Variants in ARG2 observed in about 807,000 individuals in gnomAD.
ARG2 encodes the protein arginase-2, mitochondrial.
A neutral mutation model predicts 39.4 loss-of-function variants in ARG2; 21 were observed. The ratio of observed to expected loss-of-function variants is 0.53; its 90% CI spans 0.38 to 0.77. ARG2 has a LOEUF of 0.77. Among genes scored for constraint, ARG2 ranks in the 30% least tolerant of loss-of-function variants. The pLI, the probability that ARG2 is intolerant of heterozygous loss-of-function variation, is 0.00. For synonymous variants in ARG2, 150 were observed against 156.7 expected (o/e 0.96, Z 0.32); for missense variants, 378 against 426.2 (o/e 0.89, Z 1.00).
chr14:67,625,628 C>T (rs11628666), intron 2 of ARG2, among the ~76,000 whole-genome samples: 47,621 of 139,906 alleles, frequency 0.34, 8,439 homozygotes, highest in African/African-American at 0.49. Flanking sequence ...TGTGATGAGC[C>T]GAGATTGTGC....
At chr14:67,641,789 T>TA (rs1403286324) in intron 2 of ARG2, among the ~76,000 whole-genome samples, 6 of 152,012 alleles carry the variant, frequency 3.9e-5, no homozygotes, top group Admixed American at 3.9e-4. Flanking sequence ...AAAGAAAGTT[T>TA]AAAAAAATGA....
rs1156698027 is a variant in ARG2 at position 67,651,497 on chromosome 14, AAGTGGGGAGT to A, written c.*581_*590del. The A allele has an allele frequency of 3.1e-6, 5 of 1,612,762 alleles. No homozygotes were observed. The highest frequency in any genetic ancestry group is 4.2e-6 in the Non-Finnish European group (5 of 1,179,090). On this transcript the variant is annotated 3_prime_UTR_variant, in exon 8 of 8. Transcript: ENST00000261783. ...GGTTGTCACTCTACAAAGAGAAGCA[AAGTGGGGAGT>A]AGTCAGAAGTTTGGATAACCTTCCT...
rs561680825 is a variant in ARG2, at chr14:67,635,982, G to A, written c.185-6204G>A. 1.7e-4 allele frequency among the ~76,000 whole-genome samples: 26 copies of A among 152,292 alleles called. No individual in the cohort carries two copies. The East Asian group carries it at 5.0e-3, about 29-fold the overall frequency. On this transcript the variant is annotated intron_variant, in intron 2 of 7. Coordinates refer to ENST00000261783, the MANE Select transcript of ARG2 (RefSeq NM_001172.4). Reference sequence around the variant, plus strand: ...TACCCTCTCAGCACCAAGTGAGGATGCAGAGTCTTTGTTTTTCTCCTGATT... The same window carrying A: ...TACCCTCTCAGCACCAAGTGAGGATACAGAGTCTTTGTTTTTCTCCTGATT...
At chr14:67,640,773 C>T (rs80249086) in intron 2 of ARG2, among the ~76,000 whole-genome samples, 5,484 of 152,202 alleles carry the variant, frequency 0.036, 275 homozygotes, top group African/African-American at 0.11. Context: ...TAGCATCCAA[C>T]TTAGGTGGGG....
intron 2 of ARG2, among the ~76,000 whole-genome samples, chr14:67,641,098 T>A (rs972728988): frequency 6.6e-6 from 1 of 152,196 alleles, no homozygotes; most frequent in African/African-American, 2.4e-5. Flanking sequence ...CAAACAATCA[T>A]ATTGTCCACA....
intron 2 of ARG2, among the ~76,000 whole-genome samples, chr14:67,635,283 G>A (rs1025929404): frequency 1.3e-5 from 2 of 152,264 alleles, no homozygotes; most frequent in Admixed American, 1.3e-4. Context: ...CAGTCTTTGG[G>A]AGTTAAATGC....
intron 2 of ARG2, among the ~76,000 whole-genome samples, chr14:67,626,219 A>C (rs1443287277): frequency 1.3e-5 from 2 of 152,006 alleles, no homozygotes; most frequent in Non-Finnish European, 2.9e-5. Context: ...GTACCACTGC[A>C]CTCCAGCCTG....
At chr14:67,646,791 C>T (rs2037104613) in intron 5 of ARG2, 53 bp downstream of exon 5, 11 of 1,507,378 alleles carry the variant, frequency 7.3e-6, no homozygotes, top group East Asian at 2.3e-5. Context: ...CAATTATGTT[C>T]TATTTGAAAG....
chr14:67,620,836 A>G, intron 1 of ARG2, 58 bp from the exon 2 acceptor site: 1 of 1,580,816 alleles, frequency 6.3e-7, no homozygotes, highest in South Asian at 1.1e-5. Context: ...AATGTACCAA[A>G]TGGGTTTTTT....
At chr14:67,634,798 G>A (rs952773089) in intron 2 of ARG2, among the ~76,000 whole-genome samples, 1 of 152,216 alleles carries the variant, frequency 6.6e-6, no homozygotes, top group Non-Finnish European at 1.5e-5. Context: ...AGAGATTACA[G>A]TGGTTGGCTT....
chr14:67,633,056 G>A (rs531849118), intron 2 of ARG2, among the ~76,000 whole-genome samples: 38 of 151,942 alleles, frequency 2.5e-4, no homozygotes, highest in Non-Finnish European at 4.4e-4. Flanking sequence ...TCCTGACCTC[G>A]TGATCCGCCC....
At chr14:67,635,088 A>T (rs573799764) in intron 2 of ARG2, among the ~76,000 whole-genome samples, 4,657 of 152,188 alleles carry the variant, frequency 0.031, 216 homozygotes, top group African/African-American at 0.1. Flanking sequence ...CTACAAAAAA[A>T]TATAAATTAG....
At chr14:67,645,146 T>C (rs2037080445) in intron 3 of ARG2, among the ~76,000 whole-genome samples, 1 of 152,148 alleles carries the variant, frequency 6.6e-6, no homozygotes, top group African/African-American at 2.4e-5. Flanking sequence ...GGTGAGTCGT[T>C]ACCTATAGAC....
rs182943767 is a variant in ARG2, at chr14:67,627,381, G to A, written c.184+6415G>A. 7.3e-5 allele frequency among the ~76,000 whole-genome samples: 11 copies of A among 151,486 alleles called. No individual in the cohort carries two copies. The East Asian group carries it at 1.5e-3, about 21-fold the overall frequency. ...TGTTATACTTATGTAAGTTTTATGT[G>A]TTTATATTTTATGAAATATACAGTA... On this transcript the variant is annotated intron_variant, in intron 2 of 7. Transcript: ENST00000261783.
rs2037050398 is a variant in ARG2 at position 67,642,799 on chromosome 14, T to TTTTC, written c.362+439_362+440insCTTT. On this transcript the variant is annotated intron_variant, in intron 3 of 7. Transcript: ENST00000261783. ...TGGCATGTTACTACATTTTCTTTTTTTTTTTTTTTTTTTTTTTTTTTGAGA... is the reference window on the plus strand; with the variant it reads ...TGGCATGTTACTACATTTTCTTTTTTTTTCTTTTTTTTTTTTTTTTTTTTTGAGA... Among the ~76,000 whole-genome samples the TTTTC allele has an allele frequency of 6.2e-5, 6 of 96,124 alleles. 1 individual carries two copies. Among genetic ancestry groups the TTTTC allele is most frequent in the African/African-American group, 2.7e-4 (6 of 22,528 alleles). 63.1% of individuals were successfully genotyped at this position (96,124 alleles called of 152,430 possible).
rs1019164189 is a variant in ARG2, at chr14:67,644,993, G to A, written c.363-650G>A. Among the ~76,000 whole-genome samples, 8 of 135,022 alleles carry A rather than the reference G, an allele frequency of 5.9e-5. No individual in the cohort carries two copies. In the South Asian group the frequency reaches 1.6e-3, roughly 28 times the overall value. 88.6% of individuals were successfully genotyped at this position (135,022 alleles called of 152,430 possible). A position where few individuals can be genotyped will look rare whatever the true frequency, so the allele number is the denominator to read the frequency against. On this transcript the variant is annotated intron_variant, in intron 3 of 7. Transcript: ENST00000261783. ...AGCCTGGGAAACAGAGCGAGACTCC[G>A]TCTTAAAAAAAAAAAAAAAAAATTG...
At chr14:67,637,301 T>C (rs949456442) in intron 2 of ARG2, among the ~76,000 whole-genome samples, 2 of 149,664 alleles carry the variant, frequency 1.3e-5, no homozygotes, top group East Asian at 2.0e-4. Context: ...TCCCAGCTAC[T>C]TGGGGAGGCT....
rs182270146 is a variant in ARG2, at chr14:67,620,927, A to G, written c.145A>G (p.Ile49Val). The stretch of plus-strand genomic sequence containing the variant: ...AGGAGTGGAGCATGGTCCCGCTGCC[A>G]TAAGAGAAGCTGGCTTGATGAAAAG... ...RKGVEHGPAA[I>V]REAGLMKRLS... Residue 49 changes from isoleucine to valine, a missense_variant, in exon 2 of 8, where the codon ATA (isoleucine) becomes GTA (valine). By Grantham distance (29) the Ile-to-Val change is conservative (BLOSUM62 3). Coordinates refer to ENST00000261783, the MANE Select transcript of ARG2 (RefSeq NM_001172.4). The G allele has an allele frequency of 1.1e-5, 18 of 1,614,176 alleles. No homozygotes were observed. Among genetic ancestry groups the G allele is most frequent in the African/African-American group, 9.3e-5 (7 of 75,056 alleles).
At chr14:67,649,373 C>T (rs969246998) in intron 7 of ARG2, 1 of 152,022 alleles carries the variant, frequency 6.6e-6, no homozygotes, top group African/African-American at 2.4e-5. Flanking sequence ...AATAATTAGC[C>T]AGGTGTCCCA....
Sources: allele counts gnomAD v4.1 joint callset (sites outside exome capture counted in the v4.1 genomes callset), GRCh38; gene constraint gnomAD v4.1.1; transcripts MANE v1.5; gene names NCBI Gene and HGNC (gene_info 2026-07-23, HGNC 2026-07-21).